The following TECRL variants were observed in gnomAD, a reference collection of about 807,000 sequenced individuals.
TECRL encodes the protein trans-2,3-enoyl-CoA reductase-like.
In TECRL, 63 loss-of-function variants were observed where a neutral mutation model predicts 52.8. The observed-to-expected ratio is 1.19, with a 90% confidence interval of 0.97 to 1.47. The LOEUF is 1.47. Ranked by LOEUF, TECRL falls within the 40% of genes most tolerant of loss-of-function variation. The pLI is 0.00. For missense variants in TECRL, 482 were observed against 429.6 expected (o/e 1.12, Z -1.08); for synonymous variants, 164 against 141.9 (o/e 1.16, Z -1.10).
At chr4:64,314,590 G>GGTGTGTGTGT (rs5858876) in intron 5 of TECRL, 58 bp downstream of exon 5, 39 of 746,026 alleles carry the variant, frequency 5.2e-5, no homozygotes, top group African/African-American at 4.7e-4. Flanking sequence ...TAACGTGTAT[G>GGTGTGTGTGT]GTGTGTGTGT....
chr4:64,300,028 GA>G lies in TECRL; in HGVS notation c.731-12del, dbSNP rs757648135. The G allele has an allele frequency of 1.7e-5, 27 of 1,565,662 alleles. No homozygotes were observed. Among genetic ancestry groups the G allele is most frequent in the Non-Finnish European group, 2.2e-5 (25 of 1,152,034 alleles). On this transcript the variant is annotated splice_polypyrimidine_tract_variant and intron_variant, in intron 7 of 11. Coordinates refer to ENST00000381210, the MANE Select transcript of TECRL (RefSeq NM_001010874.5). ...GCCTGTTTCCAAATGCTGGAGAGTAGAAAAAGAATATGTCATGCAGATACTC... is the reference window on the plus strand; with the variant it reads ...GCCTGTTTCCAAATGCTGGAGAGTAGAAAAGAATATGTCATGCAGATACTC...
At chr4:64,341,697 C>G (rs1205609553) in intron 2 of TECRL, among the ~76,000 whole-genome samples, 2 of 152,292 alleles carry the variant, frequency 1.3e-5, no homozygotes, top group Admixed American at 6.5e-5. Context: ...GGAGCCCAGA[C>G]CTGGGAGCTT....
chr4:64,317,610 T>G (rs964264468), intron 4 of TECRL, among the ~76,000 whole-genome samples: 1 of 152,224 alleles, frequency 6.6e-6, no homozygotes, highest in Non-Finnish European at 1.5e-5. Context: ...AAGATCACTT[T>G]GTACTTAATG....
intron 2 of TECRL, among the ~76,000 whole-genome samples, chr4:64,344,539 T>C (rs1476564698): frequency 2.6e-5 from 4 of 152,184 alleles, no homozygotes; most frequent in Admixed American, 2.6e-4. Flanking sequence ...TACACTTGCT[T>C]ACTATTCAAA....
chr4:64,313,930 A>G (rs558485252), intron 5 of TECRL, among the ~76,000 whole-genome samples: 4 of 145,448 alleles, frequency 2.8e-5, no homozygotes, highest in African/African-American at 1.0e-4. Context: ...TCAGGAGATC[A>G]AGACCACCCT....
At chr4:64,334,445 A>G (rs1718900138) in intron 2 of TECRL, among the ~76,000 whole-genome samples, 1 of 152,208 alleles carries the variant, frequency 6.6e-6, no homozygotes, top group South Asian at 2.1e-4. Context: ...TTAATGGTTT[A>G]GTATGAGATG....
At chr4:64,283,899 AC>A (rs1002259291) in intron 9 of TECRL, among the ~76,000 whole-genome samples, 2 of 151,814 alleles carry the variant, frequency 1.3e-5, no homozygotes, top group Non-Finnish European at 2.9e-5. Context: ...CTGCAAGAAT[AC>A]CCCCCTTGAA....
chr4:64,322,118 G>A (rs1239594034), intron 4 of TECRL, among the ~76,000 whole-genome samples: 2 of 152,128 alleles, frequency 1.3e-5, no homozygotes, highest in Non-Finnish European at 2.9e-5. Flanking sequence ...TTCCTCAGGA[G>A]AGAACCTTCA....
rs551373951 is a variant in TECRL, at chr4:64,307,892, T to C, written c.657+1934A>G. On this transcript the variant is annotated intron_variant, in intron 6 of 11. Coordinates refer to ENST00000381210, the MANE Select transcript of TECRL (RefSeq NM_001010874.5). ...CCTTATCCAGTTGGAAAGACAGCAG[T>C]ACCGTTGAATGACCTAAATAGGCTT... Among the ~76,000 whole-genome samples the C allele has an allele frequency of 5.9e-5, 9 of 152,218 alleles. No individual in the cohort carries two copies. In the East Asian group the frequency reaches 9.7e-4, roughly 16 times the overall value.
At chr4:64,301,487 T>A (rs188973244) in intron 7 of TECRL, among the ~76,000 whole-genome samples, 1 of 151,328 alleles carries the variant, frequency 6.6e-6, no homozygotes, top group East Asian at 1.9e-4. Context: ...CACTGAACTT[T>A]GCGCTTGTGA....
chr4:64,380,775 C>A (rs542411399), intron 1 of TECRL, among the ~76,000 whole-genome samples: 5 of 152,060 alleles, frequency 3.3e-5, no homozygotes, highest in Non-Finnish European at 5.9e-5. Flanking sequence ...TGTACCAATG[C>A]AATGCTGTTT....
rs1415097407 is a variant in TECRL, at chr4:64,349,162, C to T, written c.287-20606G>A. Among the ~76,000 whole-genome samples, 12 of 107,162 alleles carry T rather than the reference C, an allele frequency of 1.1e-4. No individual in the cohort carries two copies. The Admixed American group carries it at 1.2e-3, about 11-fold the overall frequency. 70.3% of individuals were successfully genotyped at this position (107,162 alleles called of 152,430 possible). A position where few individuals can be genotyped will look rare whatever the true frequency, so the allele number is the denominator to read the frequency against. ...TTTTTTTTTTTTTCAGATGGAGTTT[C>T]ACTCTTGTTGCCCAGGCTGTAGTGC... On this transcript the variant is annotated intron_variant, in intron 2 of 11. Coordinates refer to ENST00000381210, the MANE Select transcript of TECRL (RefSeq NM_001010874.5).
chr4:64,333,855 C>G lies in TECRL; in HGVS notation c.287-5299G>C, dbSNP rs1006029683. Among the ~76,000 whole-genome samples, 2 of 122,586 alleles carry G rather than the reference C, an allele frequency of 1.6e-5. 1 individual carries two copies. The highest frequency in any genetic ancestry group is 7.2e-5 in the African/African-American group (2 of 27,716). The allele number at this position is 122,586 out of a possible 152,430, so 80.4% of individuals were successfully genotyped here. The stretch of plus-strand genomic sequence containing the variant: ...CTAACAAGGTGAAACCCCGTCTCTA[C>G]TAAAAATACAAAAAAAAAATTAGCC... On this transcript the variant is annotated intron_variant, in intron 2 of 11. Transcript: ENST00000381210.
chr4:64,348,440 CA>C (rs368763461), intron 2 of TECRL, among the ~76,000 whole-genome samples: 137 of 152,282 alleles, frequency 9.0e-4, no homozygotes, highest in African/African-American at 3.2e-3. Flanking sequence ...TACACAGAGC[CA>C]AACCATATAA....
intron 2 of TECRL, among the ~76,000 whole-genome samples, chr4:64,372,369 T>C (rs1722035416): frequency 6.6e-6 from 1 of 151,854 alleles, no homozygotes; most frequent in Non-Finnish European, 1.5e-5. Flanking sequence ...TTTGTAGTTT[T>C]ATATGCTTCT....
At chr4:64,368,120 T>C (rs962387828) in intron 2 of TECRL, among the ~76,000 whole-genome samples, 2 of 152,144 alleles carry the variant, frequency 1.3e-5, no homozygotes. Context: ...AGAAGGTTCT[T>C]AGAATGTCCA....
rs562914267 is a variant in TECRL, at chr4:64,296,920, A to G, written c.774+3054T>C. On this transcript the variant is annotated intron_variant, in intron 8 of 11. Coordinates refer to ENST00000381210, the MANE Select transcript of TECRL (RefSeq NM_001010874.5). The stretch of plus-strand genomic sequence containing the variant: ...AATTTGCCTGTATTTGATTCTCCTT[A>G]ATTTTTCCTGTAGATTTGTGATACC... Among the ~76,000 whole-genome samples the G allele has an allele frequency of 1.8e-3, 275 of 151,684 alleles. 2 individuals are homozygous for G. Among genetic ancestry groups the G allele is most frequent in the Non-Finnish European group, 2.4e-3 (162 of 67,622 alleles).
chr4:64,281,731 T>C (rs995719617), intron 9 of TECRL, among the ~76,000 whole-genome samples, 172 bp from the exon 10 acceptor site: 22 of 151,968 alleles, frequency 1.4e-4, no homozygotes, highest in Admixed American at 1.2e-3. Flanking sequence ...CTTTAAATGT[T>C]ATAACCTTTT....
At chr4:64,366,235 T>C (rs532771600) in intron 2 of TECRL, among the ~76,000 whole-genome samples, 1 of 152,096 alleles carries the variant, frequency 6.6e-6, no homozygotes, top group East Asian at 1.9e-4. Context: ...AAATTCAGCT[T>C]GATTTGGTGA....
Sources: gnomAD v4.1 joint callset for allele counts (sites outside exome capture counted in the v4.1 genomes callset) on GRCh38, gnomAD v4.1.1 for gene constraint, MANE v1.5 for transcripts, NCBI Gene and HGNC (gene_info 2026-07-23, HGNC 2026-07-21) for gene names.